The following VWC2L variants were observed in gnomAD, a reference collection of about 807,000 sequenced individuals.
VWC2L encodes von Willebrand factor C domain-containing protein 2-like.
Under a neutral mutation model 21.6 loss-of-function variants are expected in VWC2L, and 10 were observed. The ratio of observed to expected loss-of-function variants is 0.46; its 90% CI spans 0.29 to 0.78. VWC2L has a LOEUF of 0.78. VWC2L is among the 30% of genes least tolerant of loss of function. The pLI, the probability that VWC2L is intolerant of heterozygous loss-of-function variation, is 0.10. For missense variants in VWC2L, 209 were observed against 277.1 expected, an observed-to-expected ratio of 0.75 and a Z score of 1.74; for synonymous variants, 96 against 94.3, an observed-to-expected ratio of 1.02 and a Z score of -0.10.
In VWC2L at chr2:214,551,282, T is replaced by C. The variant is rs148968042; in HGVS notation, c.521-24390T>C. On this transcript the variant is annotated intron_variant, in intron 3 of 3. Coordinates refer to ENST00000312504, the MANE Select transcript of VWC2L (RefSeq NM_001080500.4). ...AGGACATTCAAGATAGGAAAGAATA[T>C]CGTTCTGATCTTTTAAAGGTCTCAG... Among the ~76,000 whole-genome samples the C allele has an allele frequency of 1.1e-4, 17 of 152,276 alleles. No individual in the cohort carries two copies. The East Asian group carries it at 3.1e-3, about 28-fold the overall frequency.
At chr2:214,467,590 A>T (rs1703237379) in intron 3 of VWC2L, among the ~76,000 whole-genome samples, 1 of 152,110 alleles carries the variant, frequency 6.6e-6, no homozygotes. Context: ...TGATTTTTTT[A>T]TGGTTTCTAG....
intron 3 of VWC2L, among the ~76,000 whole-genome samples, chr2:214,491,945 C>T (rs1249035856): frequency 6.6e-6 from 1 of 152,106 alleles, no homozygotes; most frequent in Admixed American, 6.6e-5. Context: ...TATGGGATAG[C>T]TGAAATTTGC....
At chr2:214,470,542 A>C (rs2126192510) in intron 3 of VWC2L, among the ~76,000 whole-genome samples, 1 of 152,270 alleles carries the variant, frequency 6.6e-6, no homozygotes, top group African/African-American at 2.4e-5. Context: ...ACAAGTAAAA[A>C]TGTGTGGTTA....
At chr2:214,481,838 GAAAATA>G (rs994170824) in intron 3 of VWC2L, among the ~76,000 whole-genome samples, 2 of 152,040 alleles carry the variant, frequency 1.3e-5, no homozygotes, top group Admixed American at 1.3e-4. Flanking sequence ...TTGTATTCTT[GAAAATA>G]AAAATAACAG....
chr2:214,505,811 A>T (rs889471773), intron 3 of VWC2L, among the ~76,000 whole-genome samples: 1 of 152,166 alleles, frequency 6.6e-6, no homozygotes, highest in Non-Finnish European at 1.5e-5. Flanking sequence ...TAAAGGTATA[A>T]AAAATGTTCC....
chr2:214,492,375 C>T (rs1440254855), intron 3 of VWC2L, among the ~76,000 whole-genome samples: 6 of 152,156 alleles, frequency 3.9e-5, no homozygotes, highest in Non-Finnish European at 8.8e-5. Flanking sequence ...CCACAAAAGG[C>T]GGTGCCGCTG....
intron 2 of VWC2L, among the ~76,000 whole-genome samples, chr2:214,434,842 A>AT (rs1702655086): frequency 6.6e-6 from 1 of 152,164 alleles, no homozygotes; most frequent in Non-Finnish European, 1.5e-5. Context: ...TCTCTTCAGA[A>AT]TTTTTATTCC....
intron 3 of VWC2L, among the ~76,000 whole-genome samples, chr2:214,496,106 G>A (rs974073204): frequency 2.6e-5 from 4 of 152,090 alleles, no homozygotes; most frequent in African/African-American, 9.7e-5. Context: ...TAACAGGCCT[G>A]TATGTAACCT....
rs57794391 is a variant in VWC2L at position 214,490,325 on chromosome 2, CT to C, written c.520+53579del. Among the ~76,000 whole-genome samples, 507 of 145,988 alleles carry C rather than the reference CT, an allele frequency of 3.5e-3. 3 individuals carry two copies. Among genetic ancestry groups the C allele is most frequent in the African/African-American group, 7.8e-3 (312 of 40,014 alleles). On this transcript the variant is annotated intron_variant, in intron 3 of 3. Coordinates refer to ENST00000312504, the MANE Select transcript of VWC2L (RefSeq NM_001080500.4). The stretch of plus-strand genomic sequence containing the variant: ...AGACACATTTTTTAAAACACTAAAT[CT>C]TTTTTTTTTTTGGTCCCAATTACAA...
At chr2:214,557,152 C>T (rs1447931984) in intron 3 of VWC2L, among the ~76,000 whole-genome samples, 4 of 152,028 alleles carry the variant, frequency 2.6e-5, no homozygotes, top group East Asian at 1.9e-4. Context: ...AAGACATACC[C>T]GAGACTGGGT....
intron 3 of VWC2L, among the ~76,000 whole-genome samples, chr2:214,513,213 G>A (rs1003332053): frequency 6.6e-6 from 1 of 152,072 alleles, no homozygotes; most frequent in African/African-American, 2.4e-5. Flanking sequence ...AAGAGACCCA[G>A]GAATGTCTCC....
At chr2:214,456,972 A>G in intron 3 of VWC2L, among the ~76,000 whole-genome samples, 1 of 152,074 alleles carries the variant, frequency 6.6e-6, no homozygotes, top group Non-Finnish European at 1.5e-5. Context: ...TTTGGTTATT[A>G]TAACTTTTTA....
intron 3 of VWC2L, among the ~76,000 whole-genome samples, chr2:214,450,828 A>C (rs992930363): frequency 6.6e-6 from 1 of 152,194 alleles, no homozygotes. Context: ...TGATTAATAT[A>C]ACTACTAAGA....
intron 3 of VWC2L, among the ~76,000 whole-genome samples, chr2:214,555,785 T>G (rs973956677): frequency 2.6e-5 from 4 of 152,220 alleles, no homozygotes; most frequent in Admixed American, 2.6e-4. Context: ...TAATTGTACT[T>G]TATTTATTTG....
chr2:214,424,282 A>G (rs989226950), intron 2 of VWC2L, among the ~76,000 whole-genome samples: 1 of 152,156 alleles, frequency 6.6e-6, no homozygotes, highest in African/African-American at 2.4e-5. Flanking sequence ...TTCATGGTCA[A>G]ATAAATTTGA....
intron 3 of VWC2L, among the ~76,000 whole-genome samples, chr2:214,572,032 T>G (rs1028312063): frequency 1.3e-5 from 2 of 152,156 alleles, no homozygotes; most frequent in Admixed American, 6.5e-5. Context: ...TCCTCCTGCC[T>G]CAGCCTCCTA....
At chr2:214,550,946 A>C (rs1689784578) in intron 3 of VWC2L, among the ~76,000 whole-genome samples, 1 of 152,134 alleles carries the variant, frequency 6.6e-6, no homozygotes, top group South Asian at 2.1e-4. Context: ...CCCTCTCTTC[A>C]GCACTCCATC....
chr2:214,564,539 A>G (rs899005102), intron 3 of VWC2L, among the ~76,000 whole-genome samples: 6 of 152,060 alleles, frequency 3.9e-5, no homozygotes, highest in Admixed American at 1.3e-4. Context: ...ACAGCTACGC[A>G]TGGTAGTGGC....
chr2:214,502,004 CAA>C (rs1396743105), intron 3 of VWC2L, among the ~76,000 whole-genome samples: 2 of 152,220 alleles, frequency 1.3e-5, no homozygotes, highest in Admixed American at 6.5e-5. Context: ...AACTCCCCAG[CAA>C]AGTCATCCCA....
Sources: allele counts gnomAD v4.1 joint callset (sites outside exome capture counted in the v4.1 genomes callset), GRCh38; gene constraint gnomAD v4.1.1; transcripts MANE v1.5; gene names NCBI Gene and HGNC (gene_info 2026-07-23, HGNC 2026-07-21).